The following FIRRM variants were observed in gnomAD, a reference collection of about 807,000 sequenced individuals.
FIRRM encodes the protein FIGNL1 interacting regulator of recombination and mitosis.
chr1:169,810,722 ACCC>A, the FIRRM span, among the ~76,000 whole-genome samples: 1 of 151,682 alleles, frequency 6.6e-6, no homozygotes, highest in African/African-American at 2.4e-5. Context: ...ACCCATAACA[ACCC>A]CTAAAATCGA....
chr1:169,849,728 G>C, the FIRRM span: 9 of 709,772 alleles, frequency 1.3e-5, no homozygotes, highest in African/African-American at 3.6e-5. Flanking sequence ...TGTCTGAAGG[G>C]TACATTACTC....
At chr1:169,836,780 T>C in the FIRRM span, 6 of 554,686 alleles carry the variant, frequency 1.1e-5, no homozygotes, top group African/African-American at 1.9e-5. Flanking sequence ...TGTTCATTTA[T>C]GTTACCTTGG....
chr1:169,803,847 T>A, the FIRRM span, among the ~76,000 whole-genome samples: 1 of 152,204 alleles, frequency 6.6e-6, no homozygotes, highest in African/African-American at 2.4e-5. Flanking sequence ...GCACCTGGCC[T>A]AATGTTACCC....
chr1:169,821,608 A>C, the FIRRM span: 8 of 1,141,042 alleles, frequency 7.0e-6, no homozygotes, highest in Admixed American at 7.8e-5. Flanking sequence ...ATATTGTCTC[A>C]TTTGTAAGCT....
the FIRRM span, among the ~76,000 whole-genome samples, chr1:169,841,161 G>A: frequency 2.6e-5 from 4 of 152,186 alleles, no homozygotes; most frequent in East Asian, 7.7e-4. Flanking sequence ...TATTATAAAG[G>A]GATGTTGGAT....
the FIRRM span, among the ~76,000 whole-genome samples, chr1:169,797,945 A>G: frequency 6.6e-6 from 1 of 152,246 alleles, no homozygotes; most frequent in Non-Finnish European, 1.5e-5. Flanking sequence ...GATGGTGTAT[A>G]TGAAGAATTT....
At chr1:169,815,559 T>A in the FIRRM span, among the ~76,000 whole-genome samples, 1 of 152,188 alleles carries the variant, frequency 6.6e-6, no homozygotes. Flanking sequence ...ATCATGCTAA[T>A]GCATTATAAT....
the FIRRM span, among the ~76,000 whole-genome samples, chr1:169,817,453 T>C: frequency 1.3e-5 from 2 of 152,232 alleles, no homozygotes; most frequent in South Asian, 2.1e-4. Context: ...ATAACAATTA[T>C]AGTATACATT....
At chr1:169,853,066 A>AAAAC in the FIRRM span, 4 of 1,416,590 alleles carry the variant, frequency 2.8e-6, no homozygotes, top group Admixed American at 7.8e-5. Context: ...TAACAGATAT[A>AAAAC]AAACAAATTT....
At chr1:169,811,081 C>T in the FIRRM span, among the ~76,000 whole-genome samples, 2 of 150,952 alleles carry the variant, frequency 1.3e-5, no homozygotes, top group Non-Finnish European at 3.0e-5. Context: ...AGGATGGTCT[C>T]GATCTCCTGA....
At chr1:169,821,666 C>T in the FIRRM span, 1 of 1,549,206 alleles carries the variant, frequency 6.5e-7, no homozygotes, top group Non-Finnish European at 8.7e-7. Flanking sequence ...TCTTATTTCC[C>T]TTTTTGGATC....
At chr1:169,827,265 C>T in the FIRRM span, 1 of 1,285,940 alleles carries the variant, frequency 7.8e-7, no homozygotes, top group Non-Finnish European at 1.1e-6. Flanking sequence ...CTGATTTCCC[C>T]TAGCCATTCT....
the FIRRM span, among the ~76,000 whole-genome samples, chr1:169,844,660 T>C: frequency 6.6e-6 from 1 of 152,226 alleles, no homozygotes; most frequent in South Asian, 2.1e-4. Context: ...TTTTACTAAG[T>C]TATAAAGAGT....
At chr1:169,801,464 A>G in the FIRRM span, among the ~76,000 whole-genome samples, 1 of 151,156 alleles carries the variant, frequency 6.6e-6, no homozygotes, top group South Asian at 2.1e-4. Flanking sequence ...AAAAAAAAAA[A>G]AAAGAACTTA....
chr1:169,836,096 G>C, the FIRRM span, among the ~76,000 whole-genome samples: 13 of 149,602 alleles, frequency 8.7e-5, no homozygotes, highest in Non-Finnish European at 1.9e-4. Flanking sequence ...TTTTGGTATG[G>C]GAAAAGTTTT....
chr1:169,804,008 A>C, the FIRRM span: 2 of 1,067,248 alleles, frequency 1.9e-6, no homozygotes, highest in African/African-American at 1.6e-5. Context: ...AATAGTATGA[A>C]TTAAAGTAAA....
chr1:169,831,804 G>A, the FIRRM span, among the ~76,000 whole-genome samples: 5 of 152,162 alleles, frequency 3.3e-5, no homozygotes, highest in Non-Finnish European at 7.3e-5. Context: ...ACCCAGGCTG[G>A]AATGCAGTGG....
chr1:169,800,091 G>A, the FIRRM span, among the ~76,000 whole-genome samples: 1 of 152,064 alleles, frequency 6.6e-6, no homozygotes, highest in Non-Finnish European at 1.5e-5. Context: ...GTGTAGTGGT[G>A]CGAACATAGC....
chr1:169,805,962 G>T, the FIRRM span: 1 of 1,190,200 alleles, frequency 8.4e-7, no homozygotes, highest in South Asian at 1.3e-5. Flanking sequence ...TCACCCCCAT[G>T]ACATTTGGAT....
Sources: gnomAD v4.1 joint callset for allele counts (sites outside exome capture counted in the v4.1 genomes callset) on GRCh38, gnomAD v4.1.1 for gene constraint, MANE v1.5 for transcripts, NCBI Gene and HGNC (gene_info 2026-07-23, HGNC 2026-07-21) for gene names.